Variants in GALM observed in about 807,000 individuals in gnomAD.
The protein encoded by GALM is aldose 1-epimerase.
In GALM, 43 loss-of-function variants were observed where a neutral mutation model predicts 37.4. The ratio of observed to expected loss-of-function variants is 1.15; its 90% confidence interval spans 0.90 to 1.48. The LOEUF is 1.48. Ranked by LOEUF, GALM falls within the 40% of genes most tolerant of loss-of-function variation. The pLI is 0.00. For missense variants in GALM, 456 were observed against 419.1 expected, an observed-to-expected ratio of 1.09 and a Z score of -0.77; for synonymous variants, 199 against 170.6, an observed-to-expected ratio of 1.17 and a Z score of -1.30.
At chr2:38,706,964 T>C (rs1156274394) in intron 4 of GALM, among the ~76,000 whole-genome samples, 2 of 151,684 alleles carry the variant, frequency 1.3e-5, no homozygotes, top group African/African-American at 2.4e-5. Flanking sequence ...TTTAATCATA[T>C]TTAGGAGGTA....
intron 5 of GALM, 47 bp from the exon 6 acceptor site, chr2:38,731,688 C>T: frequency 6.7e-7 from 1 of 1,493,712 alleles, no homozygotes; most frequent in Non-Finnish European, 9.3e-7. Context: ...TACTCCTCCC[C>T]ACCTGCTTTT....
At chr2:38,690,954 C>G (rs976876169) in intron 4 of GALM, among the ~76,000 whole-genome samples, 2 of 152,126 alleles carry the variant, frequency 1.3e-5, no homozygotes, top group Non-Finnish European at 2.9e-5. Flanking sequence ...GAATATTTTC[C>G]TGGCTCCAGG....
chr2:38,720,900 C>G (rs146776410), intron 4 of GALM, among the ~76,000 whole-genome samples: 24 of 152,300 alleles, frequency 1.6e-4, no homozygotes, highest in Non-Finnish European at 3.2e-4. Context: ...TTTTACATAA[C>G]CTGGCTGCAG....
chr2:38,672,235 T>G (rs1665124755), intron 1 of GALM, among the ~76,000 whole-genome samples: 1 of 152,202 alleles, frequency 6.6e-6, no homozygotes, highest in Admixed American at 6.5e-5. Flanking sequence ...GGGAGCTCAG[T>G]GTTCACTTGT....
chr2:38,697,405 A>G (rs1011030489), intron 4 of GALM, among the ~76,000 whole-genome samples: 1 of 152,134 alleles, frequency 6.6e-6, no homozygotes, highest in Non-Finnish European at 1.5e-5. Flanking sequence ...GTCTCTCTTT[A>G]ACTTCTCCCT....
At chr2:38,712,219 T>C (rs1666186182) in intron 4 of GALM, among the ~76,000 whole-genome samples, 1 of 152,196 alleles carries the variant, frequency 6.6e-6, no homozygotes, top group African/African-American at 2.4e-5. Context: ...CTGTCTGTTA[T>C]ATTGTGAGAA....
At chr2:38,725,267 G>A (rs1362061094) in intron 4 of GALM, among the ~76,000 whole-genome samples, 1 of 152,138 alleles carries the variant, frequency 6.6e-6, no homozygotes, top group African/African-American at 2.4e-5. Flanking sequence ...GAGCATGGTG[G>A]CTCATGCTTG....
At chr2:38,708,024 C>G (rs1292354826) in intron 4 of GALM, among the ~76,000 whole-genome samples, 2 of 151,954 alleles carry the variant, frequency 1.3e-5, no homozygotes, top group Non-Finnish European at 2.9e-5. Flanking sequence ...GGAGAATCAC[C>G]TGAAGCTGGG....
At chr2:38,725,369 C>T (rs1049010701) in intron 4 of GALM, among the ~76,000 whole-genome samples, 14 of 151,832 alleles carry the variant, frequency 9.2e-5, no homozygotes, top group African/African-American at 2.9e-4. Flanking sequence ...ACCCCCATCT[C>T]TTCAAATAAT....
intron 3 of GALM, among the ~76,000 whole-genome samples, chr2:38,684,302 C>A (rs557329252): frequency 7.7e-4 from 117 of 152,062 alleles, no homozygotes; most frequent in Non-Finnish European, 1.5e-3. Context: ...GGTTGCAGGT[C>A]GTTTTTTGTT....
chr2:38,729,257 G>T (rs7581653), intron 4 of GALM, among the ~76,000 whole-genome samples: 84,401 of 151,602 alleles, frequency 0.56, 22,331 homozygotes, highest in East Asian at 0.8. Flanking sequence ...GTGCAATCAT[G>T]GTTCACTGTA....
intron 1 of GALM, among the ~76,000 whole-genome samples, chr2:38,672,371 T>C (rs1665130640): frequency 6.6e-6 from 1 of 152,220 alleles, no homozygotes; most frequent in African/African-American, 2.4e-5. Flanking sequence ...AAGGAAAGAT[T>C]GTTTGGCTCT....
chr2:38,700,932 G>C (rs1390472436), intron 4 of GALM, among the ~76,000 whole-genome samples: 1 of 152,052 alleles, frequency 6.6e-6, no homozygotes, highest in Non-Finnish European at 1.5e-5. Flanking sequence ...TTTCTTGATA[G>C]TAATTATCAT....
rs72909121 is a variant in GALM, at chr2:38,734,360, G to A, written c.*795G>A. The A allele has an allele frequency of 0.043, 5,969 of 138,968 alleles. 446 individuals are homozygous for A. Among genetic ancestry groups the A allele is most frequent in the African/African-American group, 0.15 (5,635 of 36,408 alleles). 8.6% of individuals were successfully genotyped at this position (138,968 alleles called of 1,614,324 possible). ...GAGCCGAGATCATGCCACTGCACTG[G>A]GCAACAGAGCAAAACTCGATCTCAA... On this transcript the variant is annotated 3_prime_UTR_variant, in exon 7 of 7. Transcript: ENST00000272252.
At chr2:38,727,724 CAA>C (rs565518448) in intron 4 of GALM, among the ~76,000 whole-genome samples, 26 of 62,458 alleles carry the variant, frequency 4.2e-4, no homozygotes, top group Non-Finnish European at 5.1e-4. Flanking sequence ...GACTACGTCT[CAA>C]AAAAAAAAAA....
chr2:38,694,060 T>TG (rs1246931996), intron 4 of GALM, among the ~76,000 whole-genome samples: 3 of 152,024 alleles, frequency 2.0e-5, no homozygotes, highest in Admixed American at 2.0e-4. Flanking sequence ...TGCATGCCTG[T>TG]GGTCCCAGCT....
At chr2:38,682,272 T>C (rs1665416194) in intron 3 of GALM, 1 of 455,068 alleles carries the variant, frequency 2.2e-6, no homozygotes, top group African/African-American at 2.0e-5. Flanking sequence ...GAGGATATCA[T>C]ATCAGACAGA....
At position 38,726,803 on chromosome 2, in the gene GALM, G is replaced by T. The variant is rs1666495157; in HGVS notation, c.635-2753G>T. On this transcript the variant is annotated intron_variant, in intron 4 of 6. Transcript: ENST00000272252. ...CCCAGCTACTTGGGAGGCTGAGGCA[G>T]AAGAATCGCTTGAACCTGGGAGGCC... 2.6e-5 allele frequency among the ~76,000 whole-genome samples: 4 copies of T among 151,976 alleles called. 1 individual carries two copies. The highest frequency in any genetic ancestry group is 5.9e-5 in the Non-Finnish European group (4 of 68,018).
rs114713331 is a variant in GALM at position 38,705,090 on chromosome 2, C to T, written c.634+15196C>T. 2.5e-3 allele frequency among the ~76,000 whole-genome samples: 379 copies of T among 152,334 alleles called. 2 individuals carry two copies. Among genetic ancestry groups the T allele is most frequent in the African/African-American group, 8.8e-3 (365 of 41,588 alleles). ...AATTCCTGTGAAAATTGCAGGCTAA[C>T]AGTCAGTGAATTTGTCAGAAGGGGA... is the stretch of plus-strand genomic sequence containing the variant. On this transcript the variant is annotated intron_variant, in intron 4 of 6. Coordinates refer to ENST00000272252, the MANE Select transcript of GALM (RefSeq NM_138801.3).
Sources: allele counts gnomAD v4.1 joint callset (sites outside exome capture counted in the v4.1 genomes callset), GRCh38; gene constraint gnomAD v4.1.1; transcripts MANE v1.5; gene names NCBI Gene and HGNC (gene_info 2026-07-23, HGNC 2026-07-21).